STOX2: variants seen among roughly 807,000 people sequenced by gnomAD.
The protein encoded by STOX2 is storkhead box 2.
STOX2 carries 28 observed loss-of-function variants against 60.9 expected under a neutral mutation model. The observed-to-expected ratio is 0.46, with a 90% CI of 0.34 to 0.63. STOX2 has a LOEUF of 0.63. Among genes scored for constraint, STOX2 ranks in the 30% least tolerant of loss-of-function variants. STOX2 has a pLI of 0.01. For missense variants in STOX2, 1,024 were observed against 1,187.7 expected, an observed-to-expected ratio of 0.86 and a Z score of 2.03; for synonymous variants, 472 against 463.9, an observed-to-expected ratio of 1.02 and a Z score of -0.22.
chr4:183,863,375 A>G (rs145972383), intron 1 of STOX2, among the ~76,000 whole-genome samples: 151 of 152,350 alleles, frequency 9.9e-4, no homozygotes, highest in African/African-American at 3.2e-3. Flanking sequence ...GAGAGCTGCT[A>G]TAGAGTGTTT....
rs1738898403 is a variant in STOX2, at chr4:183,806,737, G to A, written c.364+8682G>A. Among the ~76,000 whole-genome samples, 1 of 152,170 alleles carries A rather than the reference G, an allele frequency of 6.6e-6. No individual in the cohort carries two copies. Among genetic ancestry groups the A allele is most frequent in the South Asian group, 2.1e-4 (1 of 4,828 alleles). ...TCAAACCATTGCAACAAAAGGTTAT[G>A]ATGACACCTCTGCCTTTCTACTTCT... On this transcript the variant is annotated intron_variant, in intron 1 of 2. Transcript: ENST00000513034. This position sits in a 1 kb window ranked among gnomAD's most constrained non-coding sequence, Gnocchi z 4.1.
chr4:184,005,141 A>G (rs1014624304), intron 2 of STOX2, among the ~76,000 whole-genome samples: 3 of 152,230 alleles, frequency 2.0e-5, no homozygotes, highest in Non-Finnish European at 4.4e-5. Context: ...CTGTTCTGAC[A>G]GTTTGTCAGA....
At chr4:183,980,187 A>G (rs1019305851) in intron 1 of STOX2, among the ~76,000 whole-genome samples, 3 of 152,196 alleles carry the variant, frequency 2.0e-5, no homozygotes, top group South Asian at 2.1e-4. Context: ...ACAAAAATGC[A>G]TGATCCAACT....
chr4:183,833,126 A>G (rs1174381881), intron 1 of STOX2, among the ~76,000 whole-genome samples: 1 of 152,234 alleles, frequency 6.6e-6, no homozygotes, highest in Non-Finnish European at 1.5e-5. Context: ...TGATACACTC[A>G]GTTCTTAATC....
At chr4:183,827,061 G>A (rs1739451152) in intron 1 of STOX2, among the ~76,000 whole-genome samples, 1 of 152,210 alleles carries the variant, frequency 6.6e-6, no homozygotes, top group African/African-American at 2.4e-5. Context: ...GCACAGAGTG[G>A]TTAGGTGCCC....
chr4:183,926,504 G>T (rs1461889773), intron 1 of STOX2, among the ~76,000 whole-genome samples: 1 of 152,188 alleles, frequency 6.6e-6, no homozygotes, highest in Non-Finnish European at 1.5e-5. Flanking sequence ...ATTTGTGGTT[G>T]AACATTACTA....
chr4:183,969,459 C>T (rs552522019), intron 1 of STOX2, among the ~76,000 whole-genome samples: 3 of 152,272 alleles, frequency 2.0e-5, no homozygotes, highest in South Asian at 2.1e-4. Context: ...TACAGCAACA[C>T]GGTTTGCTTT....
At chr4:184,008,623 T>C (rs989690190) in intron 2 of STOX2, among the ~76,000 whole-genome samples, 11 of 152,226 alleles carry the variant, frequency 7.2e-5, no homozygotes, top group Non-Finnish European at 1.5e-4. Context: ...TCAAGTCTAG[T>C]TGCCCTTTTA....
At chr4:183,834,287 C>G (rs1739649314) in intron 1 of STOX2, among the ~76,000 whole-genome samples, 1 of 152,196 alleles carries the variant, frequency 6.6e-6, no homozygotes, top group Non-Finnish European at 1.5e-5. Flanking sequence ...ATGCTTCACA[C>G]AGACCGTTTT....
At chr4:183,914,281 T>C (rs1420390095) in intron 1 of STOX2, among the ~76,000 whole-genome samples, 1 of 152,002 alleles carries the variant, frequency 6.6e-6, no homozygotes, top group Non-Finnish European at 1.5e-5. Flanking sequence ...CTACAAAAGA[T>C]ACAAAAATTA....
chr4:184,010,664 C>T lies in STOX2; in HGVS notation c.1826C>T (p.Thr609Met), dbSNP rs1452846634. Residue 609 changes from threonine to methionine, a missense_variant, in exon 3 of 4, where the codon ACG (threonine) becomes ATG (methionine). Coordinates refer to ENST00000308497, the MANE Select transcript of STOX2 (RefSeq NM_020225.3). The surrounding 1 kb of genome is among the most constrained non-coding windows in gnomAD (Gnocchi z 4.5). ...DYFQCNTSSETVLTAPSPLGK... is the reference protein window; with the variant it reads ...DYFQCNTSSEMVLTAPSPLGK... ...TTCCAGTGCAACACCTCTAGTGAGA[C>T]GGTGCTCACGGCACCATCACCTCTG... is the stretch of plus-strand genomic sequence containing the variant. 19 of 1,613,920 alleles carry T rather than the reference C, an allele frequency of 1.2e-5. No homozygotes were observed. The highest frequency in any genetic ancestry group is 1.5e-5 in the Non-Finnish European group (18 of 1,179,854).
rs535153179 is a variant in STOX2, at chr4:183,816,815, A to T, written c.364+18760A>T. The stretch of plus-strand genomic sequence containing the variant: ...TAATCCTGTAACTTGAAAAGATTTT[A>T]AAAAGTCCTCATTAAAGATAGGCTC... On this transcript the variant is annotated intron_variant, in intron 1 of 2. Transcript: ENST00000513034. Among the ~76,000 whole-genome samples, 811 of 152,354 alleles carry T rather than the reference A, an allele frequency of 5.3e-3. 7 individuals are homozygous for T. The highest frequency in any genetic ancestry group is 0.019 in the African/African-American group (773 of 41,580).
intron 1 of STOX2, among the ~76,000 whole-genome samples, chr4:183,888,111 T>A (rs998407540): frequency 6.6e-5 from 10 of 152,186 alleles, no homozygotes; most frequent in African/African-American, 2.2e-4. Context: ...GCCATGTGTA[T>A]CTTTCTACCC....
At chr4:183,874,708 C>T (rs919929494) in intron 1 of STOX2, among the ~76,000 whole-genome samples, 6 of 151,134 alleles carry the variant, frequency 4.0e-5, no homozygotes, top group Admixed American at 1.3e-4. Flanking sequence ...GGGCGGATCA[C>T]GAGGTCAGGA....
rs184936541 is a variant in STOX2 at position 183,927,405 on chromosome 4, C to T, written c.166+20449C>T. Reference sequence around the variant, plus strand: ...TGATTTAATGTTATGTGCTCCATAACAGTGAACAGTTATTGTTATTAATAA... The same window carrying T: ...TGATTTAATGTTATGTGCTCCATAATAGTGAACAGTTATTGTTATTAATAA... On this transcript the variant is annotated intron_variant, in intron 1 of 3. Transcript: ENST00000308497. Among the ~76,000 whole-genome samples the T allele has an allele frequency of 9.1e-4, 139 of 152,246 alleles. 3 individuals are homozygous for T. The highest frequency in any genetic ancestry group is 2.9e-3 in the South Asian group (14 of 4,826).
intron 1 of STOX2, among the ~76,000 whole-genome samples, chr4:183,834,382 C>T (rs571323852): frequency 6.6e-6 from 1 of 152,196 alleles, no homozygotes; most frequent in East Asian, 1.9e-4. Flanking sequence ...TTTCCCCAGC[C>T]AGAGCAGCCC....
intron 1 of STOX2, among the ~76,000 whole-genome samples, chr4:183,886,987 G>A (rs1380606324): frequency 6.6e-6 from 1 of 152,080 alleles, no homozygotes; most frequent in African/African-American, 2.4e-5. Flanking sequence ...GGCTGGGCAC[G>A]GTGGCTCATG....
rs1308949621 is a variant in STOX2 at position 184,011,968 on chromosome 4, C to A, written c.2585+545C>A. 6.6e-6 allele frequency among the ~76,000 whole-genome samples: 1 copy of A among 152,202 alleles called. No homozygotes were observed. The highest frequency in any genetic ancestry group is 1.5e-5 in the Non-Finnish European group (1 of 68,042). On this transcript the variant is annotated intron_variant, in intron 3 of 3. Transcript: ENST00000308497. This position sits in a 1 kb window ranked among gnomAD's most constrained non-coding sequence, Gnocchi z 4.4. The stretch of plus-strand genomic sequence containing the variant: ...CCTGTCCCTCTGGCTCACACACCTT[C>A]CTTTCACTGCCAAGAAATGGAATAT...
intron 1 of STOX2, among the ~76,000 whole-genome samples, chr4:183,954,643 T>C (rs1026067648): frequency 2.6e-5 from 4 of 152,078 alleles, no homozygotes; most frequent in African/African-American, 9.7e-5. Flanking sequence ...TTTACATAAT[T>C]TAAGAAGTCA....
Sources: gnomAD v4.1 joint callset for allele counts (sites outside exome capture counted in the v4.1 genomes callset) on GRCh38, gnomAD v4.1.1 for gene constraint, Gnocchi (gnomAD v3.1) non-coding constraint, MANE v1.5 for transcripts, NCBI Gene and HGNC (gene_info 2026-07-23, HGNC 2026-07-21) for gene names.